Variants in RADIL observed in about 807,000 individuals in gnomAD.
The protein encoded by RADIL is Rap associating with DIL domain.
Under a neutral mutation model 97.6 loss-of-function variants are expected in RADIL, and 99 were observed. That is an observed-to-expected ratio of 1.01 (90% CI 0.86 to 1.20). RADIL has a LOEUF of 1.20. Ranked by LOEUF, RADIL falls within the 50% of genes most tolerant of loss-of-function variation. RADIL has a pLI of 0.00. For synonymous variants in RADIL, 803 were observed against 691.8 expected, an observed-to-expected ratio of 1.16 and a Z score of -2.52; for missense variants, 1,765 against 1,498.9, an observed-to-expected ratio of 1.18 and a Z score of -2.93.
At chr7:4,870,072 C>T (rs1402466685) in intron 2 of RADIL, among the ~76,000 whole-genome samples, 1 of 152,160 alleles carries the variant, frequency 6.6e-6, no homozygotes, top group Non-Finnish European at 1.5e-5. Context: ...CCCAGGAGAT[C>T]GAGGCTGCAG....
At position 4,799,061 on chromosome 7, in the gene RADIL, G is replaced by T; in HGVS notation, c.*317C>A. ...GGAGCCCCTGCGGCCCCTCCGAGCAGCCCACGCCTGCTGCCCGAGTTGAGA... is the reference window on the plus strand; with the variant it reads ...GGAGCCCCTGCGGCCCCTCCGAGCATCCCACGCCTGCTGCCCGAGTTGAGA... On this transcript the variant is annotated 3_prime_UTR_variant, in exon 15 of 15. Transcript: ENST00000399583. The T allele has an allele frequency of 2.8e-6, 1 of 359,670 alleles. No individual in the cohort carries two copies. The highest frequency in any genetic ancestry group is 4.1e-5 in the Admixed American group (1 of 24,420). 22.3% of individuals were successfully genotyped at this position (359,670 alleles called of 1,614,324 possible).
chr7:4,828,912 C>T (rs774094113), intron 5 of RADIL, among the ~76,000 whole-genome samples: 1 of 152,194 alleles, frequency 6.6e-6, no homozygotes, highest in Non-Finnish European at 1.5e-5. Context: ...CAGCTTCAAA[C>T]TGCAGGCTGC....
At chr7:4,825,937 G>C (rs900163333) in intron 5 of RADIL, among the ~76,000 whole-genome samples, 4 of 145,940 alleles carry the variant, frequency 2.7e-5, no homozygotes, top group African/African-American at 1.0e-4. Context: ...TATGTTGCAG[G>C]AAACTGTTAA....
chr7:4,861,590 T>G, intron 2 of RADIL: 1 of 1,611,752 alleles, frequency 6.2e-7, no homozygotes, highest in Non-Finnish European at 8.5e-7. Context: ...TATCCATTCC[T>G]TTACCAGATT....
At chr7:4,836,187 TC>T (rs1783293451) in intron 3 of RADIL, among the ~76,000 whole-genome samples, 170 bp downstream of exon 3, 1 of 152,162 alleles carries the variant, frequency 6.6e-6, no homozygotes, top group African/African-American at 2.4e-5. Flanking sequence ...TGTGGATGAC[TC>T]CACATGTGCC....
intron 2 of RADIL, among the ~76,000 whole-genome samples, chr7:4,843,134 G>T (rs1435703117): frequency 6.6e-6 from 1 of 151,372 alleles, no homozygotes; most frequent in Non-Finnish European, 1.5e-5. Context: ...AGTCTCCCGA[G>T]TAGCTAGGAT....
chr7:4,802,104 G>A (rs146439883), intron 11 of RADIL, 109 bp from the exon 12 acceptor site: 17,558 of 905,008 alleles, frequency 0.019, 233 homozygotes, highest in Middle Eastern at 0.046. Context: ...CGGGGCAGAG[G>A]TCAGCAAAGG....
Position 4,800,261 on chromosome 7 carries a change from G to T in RADIL, c.2892C>A (p.Arg964=), listed in dbSNP as rs1281742900. 2.6e-6 allele frequency: 4 copies of T among 1,552,048 alleles called. No individual in the cohort carries two copies. In the African/African-American group the frequency reaches 4.1e-5, roughly 16 times the overall value. Residue 964 remains arginine (R), a synonymous_variant, in exon 13 of 15, where the codon CGC becomes CGA. Coordinates refer to ENST00000399583, the MANE Select transcript of RADIL (RefSeq NM_018059.5). ...AGCAGAAGTCCTCGGTGCTGGAGCTGCGGCTGGACGGGGCTGGAGGGGACT... is the reference window on the plus strand; with the variant it reads ...AGCAGAAGTCCTCGGTGCTGGAGCTTCGGCTGGACGGGGCTGGAGGGGACT... The part of the protein sequence containing the change: ...AEESPPAPSS[R]SSSTEDFCYV...
rs760588803 is a variant in RADIL at position 4,855,620 on chromosome 7, TAA to T, written c.536-19017_536-19016del. ...ACACTGTTAGACTTTTTTATTTTTG[TAA>T]AAAAAAAAAAAAAAAAAAAAAAAAA... is the stretch of plus-strand genomic sequence containing the variant. On this transcript the variant is annotated intron_variant, in intron 2 of 14. Coordinates refer to ENST00000399583, the MANE Select transcript of RADIL (RefSeq NM_018059.5). Among the ~76,000 whole-genome samples the T allele has an allele frequency of 7.6e-4, 67 of 88,164 alleles. 1 individual carries two copies. Among genetic ancestry groups the T allele is most frequent in the African/African-American group, 2.1e-3 (57 of 27,384 alleles). The allele number at this position is 88,164 out of a possible 152,430, so 57.8% of individuals were successfully genotyped here. A position where few individuals can be genotyped will look rare whatever the true frequency, so the allele number is the denominator to read the frequency against.
intron 2 of RADIL, among the ~76,000 whole-genome samples, chr7:4,874,270 C>T (rs1784319041): frequency 6.6e-6 from 1 of 152,256 alleles, no homozygotes; most frequent in Non-Finnish European, 1.5e-5. Context: ...CACACTCTAG[C>T]GCAAAGCTTC....
At chr7:4,882,147 G>C (rs1235017177) in intron 1 of RADIL, 1 of 152,218 alleles carries the variant, frequency 6.6e-6, no homozygotes, top group African/African-American at 2.4e-5. Context: ...ATTTCTCTCC[G>C]TTTGGTCATC....
intron 12 of RADIL, 43 bp from the exon 13 acceptor site, chr7:4,800,353 G>A (rs1457651718): frequency 2.7e-5 from 38 of 1,414,072 alleles, no homozygotes; most frequent in Non-Finnish European, 3.4e-5. Context: ...GAGGCGCCAG[G>A]AATCACGACG....
At position 4,815,182 on chromosome 7, in the gene RADIL, C is replaced by T; in HGVS notation, c.2139+96G>A. 1.4e-6 allele frequency: 2 copies of T among 1,390,494 alleles called. No individual in the cohort carries two copies. The allele number at this position is 1,390,494 out of a possible 1,614,324, so 86.1% of individuals were successfully genotyped here. A position where few individuals can be genotyped will look rare whatever the true frequency, so the allele number is the denominator to read the frequency against. Reference sequence around the variant, plus strand: ...GCTTTGAGGTTTCCAGCCAAGAAGCCCCGTCCCGGCCCCCAGGCTTGGTTT... The same window carrying T: ...GCTTTGAGGTTTCCAGCCAAGAAGCTCCGTCCCGGCCCCCAGGCTTGGTTT... On this transcript the variant is annotated intron_variant, in intron 9 of 14. Coordinates refer to ENST00000399583, the MANE Select transcript of RADIL (RefSeq NM_018059.5). The surrounding 1 kb of genome is among the most constrained non-coding windows in gnomAD (Gnocchi z 8.0).
rs780143438 is a variant in RADIL, at chr7:4,824,493, G to A, written c.1455-1939C>T. Among the ~76,000 whole-genome samples the A allele has an allele frequency of 3.5e-4, 54 of 152,340 alleles. No individual in the cohort carries two copies. Among genetic ancestry groups the A allele is most frequent in the Non-Finnish European group, 5.7e-4 (39 of 68,020 alleles). On this transcript the variant is annotated intron_variant, in intron 5 of 14. Transcript: ENST00000399583. The surrounding 1 kb of genome is among the most constrained non-coding windows in gnomAD (Gnocchi z 6.7). ...TCCCTGTTCTTTCCCCAGCTGGGCA[G>A]CCGAGCAGGGCTGGGGGAGGAACCC...
intron 2 of RADIL, among the ~76,000 whole-genome samples, chr7:4,852,264 A>G (rs1263919976): frequency 6.6e-6 from 1 of 152,188 alleles, no homozygotes; most frequent in African/African-American, 2.4e-5. Context: ...AGAGGGAAAG[A>G]TGACTCAGAG....
At position 4,837,970 on chromosome 7, in the gene RADIL, G is replaced by A. The variant is rs1783345078; in HGVS notation, c.536-1365C>T. Reference sequence around the variant, plus strand: ...AATAAAACCAAACAAAAGCCGGATGGAGGGAGGCGTCAGCTGGCTGAGGAA... The same window carrying A: ...AATAAAACCAAACAAAAGCCGGATGAAGGGAGGCGTCAGCTGGCTGAGGAA... On this transcript the variant is annotated intron_variant, in intron 2 of 14. Coordinates refer to ENST00000399583, the MANE Select transcript of RADIL (RefSeq NM_018059.5). The surrounding 1 kb of genome is among the most constrained non-coding windows in gnomAD (Gnocchi z 5.6). The A allele has an allele frequency of 2.0e-6, 2 of 985,294 alleles. No individual in the cohort carries two copies. Among genetic ancestry groups the A allele is most frequent in the Non-Finnish European group, 2.4e-6 (2 of 829,938 alleles). 61.0% of individuals were successfully genotyped at this position (985,294 alleles called of 1,614,324 possible). A position where few individuals can be genotyped will look rare whatever the true frequency, so the allele number is the denominator to read the frequency against.
rs752332791 is a variant in RADIL, at chr7:4,816,366, G to A, written c.1828C>T (p.Arg610Cys). The A allele has an allele frequency of 1.1e-5, 18 of 1,610,778 alleles. No homozygotes were observed. In the East Asian group the frequency reaches 1.8e-4, roughly 16 times the overall value. ...SSAPELPEEL[R>C]RVVSVYQAAL... ...GCCTGGTACACAGACACCACGCGGC[G>A]CAGCTCCTCGGGCAGTTCGGGGGCC... Residue 610 changes from arginine (R) to cysteine (C), a missense_variant, in exon 8 of 15, where the codon CGC becomes TGC. By Grantham distance (180) the Arg-to-Cys change is radical. Transcript: ENST00000399583.
chr7:4,801,575 C>A (rs992738910), intron 12 of RADIL, 78 bp downstream of exon 12: 1 of 1,450,248 alleles, frequency 6.9e-7, no homozygotes, highest in African/African-American at 1.4e-5. Context: ...AAGGGGGGAA[C>A]GATCCCAGGG....
chr7:4,858,477 A>C (rs984137377), intron 2 of RADIL: 3 of 152,608 alleles, frequency 2.0e-5, no homozygotes, highest in African/African-American at 7.2e-5. Context: ...AAAGCCAGTA[A>C]GATGTCAAGT....
Sources: allele counts gnomAD v4.1 joint callset (sites outside exome capture counted in the v4.1 genomes callset), GRCh38; gene constraint gnomAD v4.1.1; non-coding constraint Gnocchi (gnomAD v3.1); transcripts MANE v1.5; gene names NCBI Gene and HGNC (gene_info 2026-07-23, HGNC 2026-07-21).